Variants in PRR5 observed in about 807,000 individuals in gnomAD.
The protein encoded by PRR5 is proline rich 5, also known as proline-rich protein 5.
In PRR5, 25 loss-of-function variants were observed where a neutral mutation model predicts 30.6. That is an observed-to-expected ratio of 0.82 (90% CI 0.60 to 1.14). The LOEUF is 1.14. Ranked by LOEUF, PRR5 falls within the 50% of genes most tolerant of loss-of-function variation. The probability of loss-of-function intolerance (pLI) is 0.00; values close to 1 mark genes in which losing one functional copy is unlikely to be tolerated. For missense variants in PRR5, 600 were observed against 547.1 expected (o/e 1.10, Z -0.96); for synonymous variants, 286 against 247.1 (o/e 1.16, Z -1.48).
chr22:44,672,107 A>G (rs986668414), upstream of PRR5, among the ~76,000 whole-genome samples: 1 of 152,240 alleles, frequency 6.6e-6, no homozygotes, highest in Non-Finnish European at 1.5e-5. Context: ...CTAAGGGTAC[A>G]GGAAATGAGA....
intron 1 of PRR5, among the ~76,000 whole-genome samples, chr22:44,686,851 A>T (rs1198551408): frequency 6.6e-6 from 1 of 152,210 alleles, no homozygotes; most frequent in Non-Finnish European, 1.5e-5. Flanking sequence ...TGATCTCATG[A>T]TCTGCCCACC....
intron 1 of PRR5, among the ~76,000 whole-genome samples, chr22:44,692,414 C>T (rs1382386287): frequency 7.5e-6 from 1 of 133,618 alleles, no homozygotes. Flanking sequence ...ACCCAGGGAT[C>T]CTCCTCCTCC....
In PRR5 at chr22:44,732,337, C is replaced by T. The variant is rs370435931; in HGVS notation, c.501C>T (p.Ala167=). 3.1e-6 allele frequency: 5 copies of T among 1,612,152 alleles called. No homozygotes were observed. The highest frequency in any genetic ancestry group is 4.2e-6 in the Non-Finnish European group (5 of 1,179,942). The change falls in exon 6 of 8, where the codon GCC becomes GCT. Residue 167 remains alanine, a synonymous_variant. Transcript: ENST00000336985. ...TLSVKLEDAL[A]RAHARVPPAI... is the part of the protein sequence containing the mutation. The stretch of plus-strand genomic sequence containing the variant: ...GTGTGAAGCTAGAGGATGCGCTGGC[C>T]CGGGCCCATGCCCGTGTGCCCCCTG...
intron 6 of PRR5, 152 bp from the exon 7 acceptor site, chr22:44,734,875 C>T (rs570642815): frequency 5.5e-5 from 61 of 1,105,226 alleles, no homozygotes; most frequent in Middle Eastern, 4.9e-4. Context: ...GGGAGGCCAC[C>T]GTGGGCCCTG....
At chr22:44,715,032 TAA>T (rs1213496298) in intron 2 of PRR5, among the ~76,000 whole-genome samples, 4 of 152,194 alleles carry the variant, frequency 2.6e-5, no homozygotes, top group Non-Finnish European at 5.9e-5. Flanking sequence ...TTTATTCTGT[TAA>T]AGAGGAAGGA....
intron 1 of PRR5, among the ~76,000 whole-genome samples, chr22:44,686,630 C>T (rs1387145798): frequency 6.6e-6 from 1 of 152,218 alleles, no homozygotes; most frequent in African/African-American, 2.4e-5. Context: ...ATTCTCCTGC[C>T]TCAGCCTCCT....
intron 1 of PRR5, among the ~76,000 whole-genome samples, chr22:44,690,636 C>CG (rs903421327): frequency 5.7e-4 from 87 of 152,256 alleles, no homozygotes; most frequent in African/African-American, 2.0e-3. Flanking sequence ...AGCCCGAGGT[C>CG]GACATCTATT....
chr22:44,730,321 C>G, intron 4 of PRR5: 4 of 985,396 alleles, frequency 4.1e-6, no homozygotes, highest in Non-Finnish European at 4.8e-6. Flanking sequence ...ACCAAGATCT[C>G]TCTCGCCAGT....
At chr22:44,726,500 C>G in intron 3 of PRR5, 77 bp from the exon 4 acceptor site, 2 of 1,605,622 alleles carry the variant, frequency 1.2e-6, no homozygotes, top group Admixed American at 1.7e-5. Context: ...GGTGGATGGA[C>G]TCTCGGGGGC....
rs764816049 is a variant in PRR5 at position 44,736,891 on chromosome 22, G to C, written c.811G>C (p.Ala271Pro). ...CGTGCAGGAGCACGAGGCGGAGGGC[G>C]CGGCGGCCGGCGGTACCAGCATCCG... ...NPVQEHEAEG[A>P]AAGGTSIRRH... is the part of the protein sequence containing the mutation. The change falls in exon 8 of 8, where the codon GCG becomes CCG. Residue 271 changes from alanine to proline, a missense_variant. Transcript: ENST00000336985. The C allele has an allele frequency of 1.2e-6, 2 of 1,608,770 alleles. No individual in the cohort carries two copies. Among genetic ancestry groups the C allele is most frequent in the Non-Finnish European group, 8.5e-7 (1 of 1,178,600 alleles).
intron 2 of PRR5, among the ~76,000 whole-genome samples, chr22:44,715,094 C>G (rs1474161253): frequency 6.6e-6 from 1 of 152,204 alleles, no homozygotes; most frequent in East Asian, 1.9e-4. Flanking sequence ...CAATTCCAGC[C>G]CTGCCAAACA....
At chr22:44,687,861 G>A (rs1413740168) in intron 1 of PRR5, among the ~76,000 whole-genome samples, 3 of 151,980 alleles carry the variant, frequency 2.0e-5, no homozygotes, top group Admixed American at 6.6e-5. Context: ...TGCAACCTCC[G>A]CCTCCCGGGT....
intron 1 of PRR5, among the ~76,000 whole-genome samples, chr22:44,686,081 C>T (rs774913187): frequency 9.2e-5 from 14 of 152,168 alleles, no homozygotes; most frequent in East Asian, 2.0e-4. Context: ...GGTGAAACCC[C>T]GTTTCTACTA....
upstream of PRR5, among the ~76,000 whole-genome samples, chr22:44,697,281 A>G (rs1404127209): frequency 1.3e-5 from 2 of 152,104 alleles, no homozygotes; most frequent in Non-Finnish European, 2.9e-5. Context: ...CTGACTCAGG[A>G]ACCTCCTTCT....
At chr22:44,708,966 CAAAAAAAAA>C (rs60854330) in intron 1 of PRR5, among the ~76,000 whole-genome samples, 3 of 64,422 alleles carry the variant, frequency 4.7e-5, no homozygotes, top group African/African-American at 8.5e-5. Flanking sequence ...GACTCTGTCT[CAAAAAAAAA>C]AAAAAAAAAA....
chr22:44,731,555 G>T (rs2269572), intron 4 of PRR5, 175 bp from the exon 5 acceptor site: 86,912 of 640,030 alleles, frequency 0.14, 7,331 homozygotes, highest in East Asian at 0.31. Flanking sequence ...TAAGCAGTGG[G>T]CCCAGGGCCA....
At position 44,735,170 on chromosome 22, in the gene PRR5, TCC is replaced by T; in HGVS notation, c.691+9_691+10del. On this transcript the variant is annotated intron_variant, in intron 7 of 7. Transcript: ENST00000336985. Reference sequence around the variant, plus strand: ...CCCATTCCTGCATCCTGGGTAGGGGTCCGCCTGGGCCTTGGGCTGGGGCAGGG... The same window carrying T: ...CCCATTCCTGCATCCTGGGTAGGGGTGCCTGGGCCTTGGGCTGGGGCAGGG... The T allele has an allele frequency of 1.9e-6, 3 of 1,611,102 alleles. No individual in the cohort carries two copies. Among genetic ancestry groups the T allele is most frequent in the Non-Finnish European group, 2.5e-6 (3 of 1,179,218 alleles).
chr22:44,700,273 G>A (rs1926133997), upstream of PRR5, among the ~76,000 whole-genome samples: 1 of 152,152 alleles, frequency 6.6e-6, no homozygotes, highest in African/African-American at 2.4e-5. Flanking sequence ...AGACCAGCCT[G>A]GCCAACATGG....
At chr22:44,729,865 C>G (rs570643321) in intron 4 of PRR5, 3 of 985,358 alleles carry the variant, frequency 3.0e-6, no homozygotes, top group Middle Eastern at 5.2e-4. Context: ...AGAGCCACCC[C>G]CCGGCCAGCC....
Sources: allele counts gnomAD v4.1 joint callset (sites outside exome capture counted in the v4.1 genomes callset), GRCh38; gene constraint gnomAD v4.1.1; transcripts MANE v1.5; gene names NCBI Gene and HGNC (gene_info 2026-07-23, HGNC 2026-07-21).